The following EHBP1L1 variants were observed in gnomAD, a reference collection of about 807,000 sequenced individuals.
EHBP1L1 encodes EH domain-binding protein 1-like protein 1.
In EHBP1L1, 122 loss-of-function variants were observed where a neutral mutation model predicts 151.1. The observed-to-expected ratio is 0.81, with a 90% CI of 0.70 to 0.94. The LOEUF is 0.94. Ranked by LOEUF, EHBP1L1 falls within the 40% of genes least tolerant of loss-of-function variation. EHBP1L1 has a pLI of 0.00. For missense variants in EHBP1L1, 1,941 were observed against 1,959.8 expected, an observed-to-expected ratio of 0.99 and a Z score of 0.18; for synonymous variants, 878 against 810.1, an observed-to-expected ratio of 1.08 and a Z score of -1.42.
rs1435178592 is a variant in EHBP1L1 at position 65,585,220 on chromosome 11, G to A, written c.3562G>A (p.Glu1188Lys). ...LAQRLRGHGAEGPQEPKEAAD... is the reference protein window; with the variant it reads ...LAQRLRGHGAKGPQEPKEAAD... ...GCAGCGGCTGCGCGGTCACGGGGCCGAGGGGCCCCAGGAGCCCAAGGAGGC... is the reference window on the plus strand; with the variant it reads ...GCAGCGGCTGCGCGGTCACGGGGCCAAGGGGCCCCAGGAGCCCAAGGAGGC... The change falls in exon 12 of 19, where the codon GAG (glutamate) becomes AAG (lysine). Residue 1188 changes from glutamate to lysine, a missense_variant. By Grantham distance (56) the Glu-to-Lys change is moderately conservative. Transcript: ENST00000309295. This position sits in a 1 kb window ranked among gnomAD's most constrained non-coding sequence, Gnocchi z 4.0. 127 of 1,143,052 alleles carry A rather than the reference G, an allele frequency of 1.1e-4. No homozygotes were observed. Among genetic ancestry groups the A allele is most frequent in the Middle Eastern group, 3.7e-4 (1 of 2,680 alleles). The allele number at this position is 1,143,052 out of a possible 1,614,324, so 70.8% of individuals were successfully genotyped here. A position where few individuals can be genotyped will look rare whatever the true frequency, so the allele number is the denominator to read the frequency against.
Position 65,590,431 on chromosome 11 carries a change from C to T in EHBP1L1, c.4184-62C>T, listed in dbSNP as rs140948289. The stretch of plus-strand genomic sequence containing the variant: ...GGAGCAAACCCCCTCCCCCAACCCC[C>T]AGCTGCCCTACCCTGACACGGGGCA... On this transcript the variant is annotated intron_variant, in intron 15 of 18. Coordinates refer to ENST00000309295, the MANE Select transcript of EHBP1L1 (RefSeq NM_001099409.3). 421 of 1,581,894 alleles carry T rather than the reference C, an allele frequency of 2.7e-4. 3 individuals carry two copies. The African/African-American group carries it at 5.2e-3, about 19-fold the overall frequency.
In EHBP1L1 at chr11:65,592,219, G is replaced by C. The variant is rs760709600; in HGVS notation, c.4489G>C (p.Glu1497Gln). The C allele has an allele frequency of 5.8e-6, 9 of 1,544,370 alleles. No individual in the cohort carries two copies. The African/African-American group carries it at 9.5e-5, about 16-fold the overall frequency. Residue 1497 changes from glutamate to glutamine, a missense_variant, in exon 19 of 19, where the codon GAG becomes CAG. Physicochemically the swap from Glu to Gln is conservative, Grantham distance 29. Coordinates refer to ENST00000309295, the MANE Select transcript of EHBP1L1 (RefSeq NM_001099409.3). ...HKERIALEED[E>Q]RLERGLEQRR... ...TCTCCCCAGCGCCCTGGAGGAGGACGAGCGCCTGGAGCGCGGCCTGGAACA... is the reference window on the plus strand; with the variant it reads ...TCTCCCCAGCGCCCTGGAGGAGGACCAGCGCCTGGAGCGCGGCCTGGAACA...
intron 12 of EHBP1L1, among the ~76,000 whole-genome samples, chr11:65,589,217 C>T (rs1377609496): frequency 3.9e-5 from 6 of 152,164 alleles, no homozygotes; most frequent in Non-Finnish European, 7.3e-5. Flanking sequence ...CCAGCCTGGC[C>T]AACATGGTGA....
Position 65,585,156 on chromosome 11 carries a change from GC to G in EHBP1L1, c.3501del (p.Ser1168AlafsTer73). ...AGTYRVGSAQ[P>X]SPPDDLDAGG... ...GCACGTACCGCGTGGGCAGCGCCCAGCCCAGCCCGCCCGACGACCTGGACGC... is the reference window on the plus strand; with the variant it reads ...GCACGTACCGCGTGGGCAGCGCCCAGCCAGCCCGCCCGACGACCTGGACGC... On this transcript the variant is annotated frameshift_variant, in exon 12 of 19. Coordinates refer to ENST00000309295, the MANE Select transcript of EHBP1L1 (RefSeq NM_001099409.3). LOFTEE classifies it high-confidence loss of function. The surrounding 1 kb of genome is among the most constrained non-coding windows in gnomAD (Gnocchi z 4.0). The G allele has an allele frequency of 7.3e-7, 1 of 1,370,136 alleles. No individual in the cohort carries two copies. The highest frequency in any genetic ancestry group is 3.9e-5 in the Admixed American group (1 of 25,678). 84.9% of individuals were successfully genotyped at this position (1,370,136 alleles called of 1,614,324 possible). A position where few individuals can be genotyped will look rare whatever the true frequency, so the allele number is the denominator to read the frequency against.
intron 1 of EHBP1L1, 131 bp downstream of exon 1, chr11:65,576,537 C>G: frequency 1.3e-6 from 1 of 782,062 alleles, no homozygotes; most frequent in Non-Finnish European, 2.0e-6. Context: ...GGCCCTGGTT[C>G]CGTTCCCAGG....
intron 12 of EHBP1L1, among the ~76,000 whole-genome samples, chr11:65,586,166 G>C (rs1565130096): frequency 6.6e-6 from 1 of 152,208 alleles, no homozygotes; most frequent in Non-Finnish European, 1.5e-5. Flanking sequence ...TTCTTACAAT[G>C]GAAGGTTGGA....
intron 11 of EHBP1L1, 34 bp from the exon 12 acceptor site, chr11:65,584,925 G>A (rs766004485): frequency 3.3e-6 from 5 of 1,528,770 alleles, no homozygotes; most frequent in Admixed American, 4.0e-5. Context: ...GCGGGCCACC[G>A]CCGCCGCTGA....
rs371915123 is a variant in EHBP1L1 at position 65,583,102 on chromosome 11, G to T, written c.2430G>T (p.Ala810=). The T allele has an allele frequency of 6.2e-7, 1 of 1,613,398 alleles. No individual in the cohort carries two copies. Among genetic ancestry groups the T allele is most frequent in the Admixed American group, 1.7e-5 (1 of 59,984 alleles). ...EVGGSEVPEI[A]TGTAETEILG... is the part of the protein sequence containing the mutation. ...GGGGTTCAGAGGTTCCAGAGATAGC[G>T]ACTGGGACAGCAGAAACTGAGATAT... The change falls in exon 9 of 19, where the codon GCG becomes GCT. Residue 810 remains alanine, a synonymous_variant. Transcript: ENST00000309295.
intron 12 of EHBP1L1, among the ~76,000 whole-genome samples, chr11:65,588,834 A>C (rs1858108695): frequency 6.6e-6 from 1 of 152,236 alleles, no homozygotes; most frequent in South Asian, 2.1e-4. Context: ...GTGAGCATGC[A>C]GCAGCCGCTC....
chr11:65,579,058 TC>T lies in EHBP1L1; in HGVS notation c.105-16del. On this transcript the variant is annotated intron_variant, in intron 1 of 18. Transcript: ENST00000309295. ...CCAAGCAGCCTGCTCCCTTTCTCCC[TC>T]CCCTTCCCCCTCCCCCAGGCAGCCA... The T allele has an allele frequency of 6.4e-7, 1 of 1,568,992 alleles. No homozygotes were observed. Among genetic ancestry groups the T allele is most frequent in the Non-Finnish European group, 8.6e-7 (1 of 1,156,964 alleles).
At position 65,578,935 on chromosome 11, in the gene EHBP1L1, C is replaced by A. The variant is rs929264882; in HGVS notation, c.105-143C>A. ...CCCTGTGGCCCCAGATAAGGGGCTG[C>A]CCAGGCCCTCTTCTGGAGGAGGGGG... On this transcript the variant is annotated intron_variant, in intron 1 of 18. Coordinates refer to ENST00000309295, the MANE Select transcript of EHBP1L1 (RefSeq NM_001099409.3). 1.2e-5 allele frequency: 10 copies of A among 810,820 alleles called. No homozygotes were observed. In the African/African-American group the frequency reaches 1.7e-4, roughly 14 times the overall value. The allele number at this position is 810,820 out of a possible 1,614,324, so 50.2% of individuals were successfully genotyped here. A position where few individuals can be genotyped will look rare whatever the true frequency, so the allele number is the denominator to read the frequency against.
chr11:65,585,025 T>TCGGTGC lies in EHBP1L1; in HGVS notation c.3369_3374dup (p.Val1124_Pro1125dup). 6.5e-7 allele frequency: 1 copy of TCGGTGC among 1,536,558 alleles called. No individual in the cohort carries two copies. Among genetic ancestry groups the TCGGTGC allele is most frequent in the Non-Finnish European group, 8.7e-7 (1 of 1,147,528 alleles). On this transcript the variant is annotated inframe_insertion, in exon 12 of 19. Transcript: ENST00000309295. This position sits in a 1 kb window ranked among gnomAD's most constrained non-coding sequence, Gnocchi z 4.0. ...GGAGCCCGCGGACATGGTGCTACTGTCGGTGCCCGACAAGCTCATCGTCAT... is the reference window on the plus strand; with the variant it reads ...GGAGCCCGCGGACATGGTGCTACTGTCGGTGCCGGTGCCCGACAAGCTCATCGTCAT...
At chr11:65,584,130 C>A in intron 9 of EHBP1L1, 111 bp from the exon 10 acceptor site, 1 of 1,510,208 alleles carries the variant, frequency 6.6e-7, no homozygotes, top group South Asian at 1.3e-5. Context: ...TCTCTGGTGA[C>A]CCCTGCAAGC....
chr11:65,579,113 G>A lies in EHBP1L1; in HGVS notation c.140G>A (p.Arg47Gln), dbSNP rs567467176. The change falls in exon 2 of 19, where the codon CGG becomes CAG. Residue 47 changes from arginine to glutamine, a missense_variant. Physicochemically the swap from Arg to Gln is conservative, Grantham distance 43. Coordinates refer to ENST00000309295, the MANE Select transcript of EHBP1L1 (RefSeq NM_001099409.3). ...AAGCTGGTGGTGGTATGGACCCGTC[G>A]GAACCGACGCATCTGCTCCAAGGTG... is the stretch of plus-strand genomic sequence containing the variant. ...PDKLVVVWTR[R>Q]NRRICSKAHS... 2.4e-5 allele frequency: 38 copies of A among 1,595,294 alleles called. No individual in the cohort carries two copies. Among genetic ancestry groups the A allele is most frequent in the South Asian group, 1.1e-4 (10 of 87,758 alleles).
chr11:65,591,883 G>A lies in EHBP1L1; in HGVS notation c.4357+10G>A, dbSNP rs369119256. 3 of 1,597,742 alleles carry A rather than the reference G, an allele frequency of 1.9e-6. No homozygotes were observed. The African/African-American group carries it at 4.0e-5, about 21-fold the overall frequency. ...ATGCTGGCCATCGAAGGTGGGACAT[G>A]GGCTCAGGGGCCGGGAGGCAAGACA... On this transcript the variant is annotated intron_variant, in intron 17 of 18. Coordinates refer to ENST00000309295, the MANE Select transcript of EHBP1L1 (RefSeq NM_001099409.3).
intron 6 of EHBP1L1, 102 bp downstream of exon 6, chr11:65,580,581 C>A: frequency 6.8e-7 from 1 of 1,473,140 alleles, no homozygotes; most frequent in Non-Finnish European, 9.1e-7. Flanking sequence ...GATGGGAACT[C>A]ATTACTGCCC....
Position 65,582,559 on chromosome 11 carries a change from G to A in EHBP1L1, c.1887G>A (p.Glu629=). ...ESEVAGTAQC[E]GLETQETEVG... The stretch of plus-strand genomic sequence containing the variant: ...AGGTTGCTGGGACAGCACAGTGTGA[G>A]GGACTGGAGACCCAGGAAACAGAGG... The change falls in exon 9 of 19, where the codon GAG becomes GAA. Residue 629 remains glutamate, a synonymous_variant. Coordinates refer to ENST00000309295, the MANE Select transcript of EHBP1L1 (RefSeq NM_001099409.3). 6.2e-7 allele frequency: 1 copy of A among 1,613,518 alleles called. No individual in the cohort carries two copies.
rs1394846677 is a variant in EHBP1L1, at chr11:65,592,346, T to G, written c.*44T>G. 4 of 1,326,182 alleles carry G rather than the reference T, an allele frequency of 3.0e-6. No homozygotes were observed. The highest frequency in any genetic ancestry group is 8.1e-5 in the Admixed American group (2 of 24,540). 82.2% of individuals were successfully genotyped at this position (1,326,182 alleles called of 1,614,324 possible). A position where few individuals can be genotyped will look rare whatever the true frequency, so the allele number is the denominator to read the frequency against. ...CCCATAACTTCTCGCGTCCCCGGCG[T>G]CCGCCGCCGCCCCGGGCCTGCGCTG... On this transcript the variant is annotated 3_prime_UTR_variant, in exon 19 of 19. Coordinates refer to ENST00000309295, the MANE Select transcript of EHBP1L1 (RefSeq NM_001099409.3).
Position 65,581,675 on chromosome 11 carries a change from T to G in EHBP1L1, c.1003T>G (p.Leu335Val). Residue 335 changes from leucine to valine, a missense_variant, in exon 9 of 19, where the codon TTG (leucine) becomes GTG (valine). Transcript: ENST00000309295. ...AGCCTCAGGGGCTCCTCCAGCAGGA[T>G]TGGGCTCTGCTAGGGAGACCCAGGC... ...PKASGAPPAGLGSARETQAQA... is the reference protein window; with the variant it reads ...PKASGAPPAGVGSARETQAQA... 6.4e-7 allele frequency: 1 copy of G among 1,569,156 alleles called. No homozygotes were observed. The highest frequency in any genetic ancestry group is 8.6e-7 in the Non-Finnish European group (1 of 1,157,598).
Sources: gnomAD v4.1 joint callset for allele counts (sites outside exome capture counted in the v4.1 genomes callset) on GRCh38, gnomAD v4.1.1 for gene constraint, Gnocchi (gnomAD v3.1) non-coding constraint, MANE v1.5 for transcripts, NCBI Gene and HGNC (gene_info 2026-07-23, HGNC 2026-07-21) for gene names.